The following TNIP3 variants were observed in gnomAD, a reference collection of about 807,000 sequenced individuals.
The protein encoded by TNIP3 is TNFAIP3-interacting protein 3.
In TNIP3, 34 loss-of-function variants were observed where a neutral mutation model predicts 54.1. That is an observed-to-expected ratio of 0.63 (90% CI 0.48 to 0.84). TNIP3 has a LOEUF of 0.84. Ranked by LOEUF, TNIP3 falls within the 40% of genes least tolerant of loss-of-function variation. The pLI, the probability that TNIP3 is intolerant of heterozygous loss-of-function variation, is 0.00. For missense variants in TNIP3, 366 were observed against 387.6 expected (o/e 0.94, Z 0.47); for synonymous variants, 134 against 136.8 (o/e 0.98, Z 0.14).
intron 2 of TNIP3, among the ~76,000 whole-genome samples, chr4:121,199,101 C>T (rs1188002325): frequency 6.6e-6 from 1 of 152,140 alleles, no homozygotes; most frequent in African/African-American, 2.4e-5. Context: ...TGTGACATGG[C>T]AGGTCCAGCT....
chr4:121,140,446 G>A (rs1207492656), intron 9 of TNIP3, among the ~76,000 whole-genome samples: 3 of 152,192 alleles, frequency 2.0e-5, no homozygotes, highest in African/African-American at 7.2e-5. Context: ...GACCTGGACT[G>A]CCTTGCCTTT....
At chr4:121,185,913 CTG>C (rs1724990024) in intron 2 of TNIP3, among the ~76,000 whole-genome samples, 1 of 152,238 alleles carries the variant, frequency 6.6e-6, no homozygotes. Flanking sequence ...GCAGTCATCA[CTG>C]TTAAAATTGT....
rs147126819 is a variant in TNIP3, at chr4:121,213,722, G to A, written c.68+2693C>T. ...AGCCTGGGCGACAGAGTAAGACTCCGTCTCAAAAAAAAAAAAAACAAAAAA... is the reference window on the plus strand; with the variant it reads ...AGCCTGGGCGACAGAGTAAGACTCCATCTCAAAAAAAAAAAAAACAAAAAA... On this transcript the variant is annotated intron_variant, in intron 2 of 12. Coordinates refer to the TNIP3 transcript ENST00000507879. Among the ~76,000 whole-genome samples, 519 of 135,770 alleles carry A rather than the reference G, an allele frequency of 3.8e-3. 2 individuals are homozygous for A. The highest frequency in any genetic ancestry group is 0.037 in the East Asian group (181 of 4,874). The allele number at this position is 135,770 out of a possible 152,430, so 89.1% of individuals were successfully genotyped here. A position where few individuals can be genotyped will look rare whatever the true frequency, so the allele number is the denominator to read the frequency against.
At chr4:121,220,720 G>A (rs1043723447), upstream of TNIP3, among the ~76,000 whole-genome samples, 1 of 152,084 alleles carries the variant, frequency 6.6e-6, no homozygotes, top group Non-Finnish European at 1.5e-5. Context: ...CTGGGTAAAC[G>A]TACCACTTAA....
At chr4:121,134,349 C>T (rs994840409) in intron 10 of TNIP3, among the ~76,000 whole-genome samples, 1 of 152,154 alleles carries the variant, frequency 6.6e-6, no homozygotes, top group African/African-American at 2.4e-5. Context: ...AAACAAACAA[C>T]ATGTTTTTCA....
intron 10 of TNIP3, chr4:121,137,993 A>C (rs1560634065): frequency 2.2e-6 from 1 of 456,136 alleles, no homozygotes; most frequent in African/African-American, 2.0e-5. Flanking sequence ...CATAGAAACA[A>C]GCAGTAGAAA....
chr4:121,204,058 T>A (rs1726047905), intron 2 of TNIP3, among the ~76,000 whole-genome samples: 1 of 151,802 alleles, frequency 6.6e-6, no homozygotes, highest in Non-Finnish European at 1.5e-5. Context: ...CTCTGACTAT[T>A]CCTTCAGTTC....
chr4:121,173,929 C>T (rs1724142890), intron 3 of TNIP3, among the ~76,000 whole-genome samples: 1 of 152,162 alleles, frequency 6.6e-6, no homozygotes, highest in Admixed American at 6.5e-5. Flanking sequence ...TTGCACCTGA[C>T]CAATGTATGC....
At chr4:121,154,000 AACACACACAC>A (rs112783146) in intron 5 of TNIP3, among the ~76,000 whole-genome samples, 4 of 149,200 alleles carry the variant, frequency 2.7e-5, no homozygotes, top group African/African-American at 4.9e-5. Context: ...TCCATAAAAC[AACACACACAC>A]ACACACACAC....
chr4:121,181,895 A>G (rs187294046), intron 3 of TNIP3, among the ~76,000 whole-genome samples: 3 of 152,308 alleles, frequency 2.0e-5, no homozygotes, highest in Admixed American at 2.0e-4. Context: ...TGATTTTTAT[A>G]GTTTTCTGTG....
chr4:121,221,950 A>G (rs1420951208), intron 1 of TNIP3, among the ~76,000 whole-genome samples: 10 of 152,190 alleles, frequency 6.6e-5, no homozygotes, highest in Admixed American at 5.9e-4. Context: ...GACTGAATCT[A>G]AAAAAGTTCC....
chr4:121,195,236 A>G (rs4833203), intron 2 of TNIP3, among the ~76,000 whole-genome samples: 69,822 of 152,120 alleles, frequency 0.46, 18,205 homozygotes, highest in East Asian at 0.73. Flanking sequence ...AGTAACCCCC[A>G]TACACCTTCA....
At chr4:121,146,979 G>A (rs1729466790) in intron 7 of TNIP3, 70 bp downstream of exon 7, 6 of 1,518,578 alleles carry the variant, frequency 4.0e-6, no homozygotes, top group African/African-American at 1.4e-5. Flanking sequence ...AAGTCCAAAC[G>A]TCTTGAATTT....
upstream of TNIP3, among the ~76,000 whole-genome samples, chr4:121,221,537 A>C (rs1727025441): frequency 6.6e-6 from 1 of 152,254 alleles, no homozygotes; most frequent in African/African-American, 2.4e-5. Context: ...GATATGTTAC[A>C]CATTTTAATT....
At chr4:121,165,629 A>T (rs1248145899), upstream of TNIP3, among the ~76,000 whole-genome samples, 1 of 151,284 alleles carries the variant, frequency 6.6e-6, no homozygotes, top group Non-Finnish European at 1.5e-5. Flanking sequence ...CTATATAATG[A>T]TTTACAAAAT....
intron 2 of TNIP3, among the ~76,000 whole-genome samples, chr4:121,183,652 C>A (rs889007069): frequency 6.6e-6 from 1 of 152,158 alleles, no homozygotes; most frequent in Non-Finnish European, 1.5e-5. Context: ...CCTGTCAAAC[C>A]AGCAGTGGCA....
chr4:121,135,129 G>A (rs1728705781), intron 10 of TNIP3, among the ~76,000 whole-genome samples: 1 of 152,204 alleles, frequency 6.6e-6, no homozygotes, highest in Admixed American at 6.5e-5. Flanking sequence ...GTGCCACCAT[G>A]TCCTGTCACA....
At chr4:121,141,404 G>T (rs539334043) in intron 9 of TNIP3, among the ~76,000 whole-genome samples, 2 of 152,240 alleles carry the variant, frequency 1.3e-5, no homozygotes, top group East Asian at 1.9e-4. Context: ...AATCTATTTT[G>T]CACATATGTA....
intron 3 of TNIP3, among the ~76,000 whole-genome samples, chr4:121,170,689 C>T (rs1731018660): frequency 6.6e-6 from 1 of 151,968 alleles, no homozygotes; most frequent in Non-Finnish European, 1.5e-5. Flanking sequence ...TTTAATAATA[C>T]TTTCTACATT....
Sources: allele counts gnomAD v4.1 joint callset (sites outside exome capture counted in the v4.1 genomes callset), GRCh38; gene constraint gnomAD v4.1.1; transcripts MANE v1.5; gene names NCBI Gene and HGNC (gene_info 2026-07-23, HGNC 2026-07-21).